The following GABRR3 variants were observed in gnomAD, a reference collection of about 807,000 sequenced individuals.
GABRR3 encodes the protein gamma-aminobutyric acid type A receptor subunit rho3.
Under a neutral mutation model 43.2 loss-of-function variants are expected in GABRR3, and 29 were observed. That is an observed-to-expected ratio of 0.67 (90% CI 0.50 to 0.92). The LOEUF is 0.92. GABRR3 is among the 40% of genes least tolerant of loss of function. The pLI is 0.00. For synonymous variants in GABRR3, 206 were observed against 195.9 expected (o/e 1.05, Z -0.43); for missense variants, 576 against 572.3 (o/e 1.01, Z -0.07).
At chr3:98,006,622 T>G (rs1347815250) in intron 7 of GABRR3, among the ~76,000 whole-genome samples, 1 of 152,216 alleles carries the variant, frequency 6.6e-6, no homozygotes, top group Non-Finnish European at 1.5e-5. Context: ...TAAAGCATTC[T>G]AGCCAGGACA....
intron 7 of GABRR3, among the ~76,000 whole-genome samples, chr3:98,005,287 T>C (rs1199139372): frequency 6.6e-6 from 1 of 151,986 alleles, no homozygotes; most frequent in East Asian, 1.9e-4. Context: ...CTCATAAATA[T>C]GTATACATAC....
At chr3:98,024,429 A>T (rs906994624) in intron 3 of GABRR3, among the ~76,000 whole-genome samples, 1 of 151,916 alleles carries the variant, frequency 6.6e-6, no homozygotes, top group African/African-American at 2.4e-5. Context: ...TTGAAAAAAC[A>T]AACAACCACC....
At chr3:98,022,931 C>T (rs997070728) in intron 3 of GABRR3, among the ~76,000 whole-genome samples, 2 of 152,102 alleles carry the variant, frequency 1.3e-5, no homozygotes, top group African/African-American at 2.4e-5. Flanking sequence ...AATTTCAGGT[C>T]AATTTCATGT....
At chr3:98,034,928 A>C in exon 2 of GABRR3, 2 of 1,613,180 alleles carry the variant, frequency 1.2e-6, no homozygotes, top group Non-Finnish European at 1.7e-6. Flanking sequence ...CAGCACAAAC[A>C]TTTGGTTTCA....
At chr3:98,023,635 G>C (rs577103127) in intron 3 of GABRR3, among the ~76,000 whole-genome samples, 1 of 151,958 alleles carries the variant, frequency 6.6e-6, no homozygotes, top group East Asian at 1.9e-4. Context: ...AGATACATAA[G>C]AGAAGTAGTG....
intron 7 of GABRR3, among the ~76,000 whole-genome samples, chr3:98,002,686 A>C (rs73853111): frequency 3.9e-5 from 6 of 152,240 alleles, no homozygotes; most frequent in African/African-American, 1.4e-4. Context: ...TACATGAGGA[A>C]ACATGGAAAT....
At chr3:98,010,870 C>A (rs574041112) in intron 5 of GABRR3, among the ~76,000 whole-genome samples, 2 of 152,112 alleles carry the variant, frequency 1.3e-5, no homozygotes, top group Non-Finnish European at 2.9e-5. Context: ...GGGGCCGAGG[C>A]GGGCAGATCA....
At chr3:97,987,055 A>G in intron 9 of GABRR3, 73 bp from the exon 10 acceptor site, 2 of 981,220 alleles carry the variant, frequency 2.0e-6, no homozygotes, top group Non-Finnish European at 3.0e-6. Context: ...AAATAATGTT[A>G]ATAAAGTTAA....
intron 3 of GABRR3, among the ~76,000 whole-genome samples, 194 bp from the exon 4 acceptor site, chr3:98,017,916 T>A (rs1393449618): frequency 1.3e-5 from 2 of 152,098 alleles, no homozygotes; most frequent in Non-Finnish European, 2.9e-5. Context: ...CATGTGTAAA[T>A]AAATGGTATT....
At chr3:98,010,155 C>A (rs533998339) in intron 5 of GABRR3, among the ~76,000 whole-genome samples, 1 of 152,288 alleles carries the variant, frequency 6.6e-6, no homozygotes, top group East Asian at 1.9e-4. Context: ...ACTCGCAGAA[C>A]CCAGCAAAGC....
intron 8 of GABRR3, chr3:97,997,754 A>G (rs950233377): frequency 1.3e-5 from 2 of 152,212 alleles, no homozygotes; most frequent in Non-Finnish European, 2.9e-5. Context: ...ATCGATCAAA[A>G]ACCATGATGG....
At chr3:98,008,798 C>CAAAAAAAAAAAAAAAA (rs57502092) in intron 6 of GABRR3, 158 bp downstream of exon 6, 5 of 113,844 alleles carry the variant, frequency 4.4e-5, no homozygotes, top group Non-Finnish European at 7.1e-5. Flanking sequence ...AAACAGAAAC[C>CAAAAAAAAAAAAAAAA]AAAAAAAAAA....
chr3:98,013,981 A>G (rs1235645340), intron 4 of GABRR3, among the ~76,000 whole-genome samples: 1 of 152,168 alleles, frequency 6.6e-6, no homozygotes, highest in Admixed American at 6.5e-5. Flanking sequence ...TTCTGGGAGG[A>G]GGGTGAGACA....
intron 9 of GABRR3, among the ~76,000 whole-genome samples, chr3:97,988,781 C>T (rs1029234839): frequency 7.3e-5 from 10 of 137,650 alleles, no homozygotes; most frequent in African/African-American, 1.7e-4. Context: ...ATGATGGTGG[C>T]GTTTGGTAGT....
intron 2 of GABRR3, among the ~76,000 whole-genome samples, chr3:98,031,146 G>A (rs1488244669): frequency 1.3e-5 from 2 of 152,134 alleles, no homozygotes; most frequent in Non-Finnish European, 2.9e-5. Context: ...TCTTGTAAAG[G>A]AAAAAATCTA....
At chr3:98,017,292 T>C (rs1706883291) in intron 4 of GABRR3, among the ~76,000 whole-genome samples, 1 of 152,228 alleles carries the variant, frequency 6.6e-6, no homozygotes, top group Non-Finnish European at 1.5e-5. Flanking sequence ...CTGTTTATTA[T>C]TTTACAGGCA....
intron 8 of GABRR3, 40 bp downstream of exon 8, chr3:98,001,575 C>T (rs925289138): frequency 6.2e-7 from 1 of 1,607,732 alleles, no homozygotes; most frequent in Non-Finnish European, 8.5e-7. Context: ...CTTGAACTTT[C>T]TCCCATGTTA....
At chr3:98,012,640 TC>T in intron 4 of GABRR3, 73 bp from the exon 5 acceptor site, 1 of 973,334 alleles carries the variant, frequency 1.0e-6, no homozygotes, top group Non-Finnish European at 1.6e-6. Flanking sequence ...ACACTGTTAG[TC>T]CCAGGACTCA....
At chr3:97,993,218 C>T (rs1387405340) in intron 8 of GABRR3, 170 bp from the exon 9 acceptor site, 1 of 173,324 alleles carries the variant, frequency 5.8e-6, no homozygotes, top group Non-Finnish European at 1.1e-5. Flanking sequence ...TAAACAAACA[C>T]TCTCACTGGA....
Sources: allele counts gnomAD v4.1 joint callset (sites outside exome capture counted in the v4.1 genomes callset), GRCh38; gene constraint gnomAD v4.1.1; transcripts MANE v1.5; gene names NCBI Gene and HGNC (gene_info 2026-07-23, HGNC 2026-07-21).